LIMCH1: variants seen among roughly 807,000 people sequenced by gnomAD.
The protein encoded by LIMCH1 is LIM and calponin homology domains-containing protein 1.
LIMCH1 carries 113 observed loss-of-function variants against 176.5 expected under a neutral mutation model. The observed-to-expected ratio is 0.64, with a 90% CI of 0.55 to 0.75. LIMCH1 has a LOEUF of 0.75. Among genes scored for constraint, LIMCH1 ranks in the 30% least tolerant of loss-of-function variants. The pLI, the probability that LIMCH1 is intolerant of heterozygous loss-of-function variation, is 0.00. For synonymous variants in LIMCH1, 619 were observed against 645.9 expected (o/e 0.96, Z 0.63); for missense variants, 1,674 against 1,814.9 (o/e 0.92, Z 1.41).
chr4:41,615,549 T>A (rs2091967635), intron 5 of LIMCH1, among the ~76,000 whole-genome samples: 1 of 152,220 alleles, frequency 6.6e-6, no homozygotes, highest in Non-Finnish European at 1.5e-5. Flanking sequence ...GCTTATGCTC[T>A]TGTAAACTAA....
intron 4 of LIMCH1, chr4:41,612,448 T>C (rs1055346024): frequency 1.5e-6 from 1 of 677,432 alleles, no homozygotes; most frequent in Non-Finnish European, 2.7e-6. Context: ...TCTCTGCCAG[T>C]GTTATCCACA....
chr4:41,428,205 A>C (rs2061291688), intron 1 of LIMCH1, among the ~76,000 whole-genome samples: 1 of 152,174 alleles, frequency 6.6e-6, no homozygotes, highest in Admixed American at 6.5e-5. Context: ...GGTAAAGAAC[A>C]TGAACTCTGA....
At chr4:41,408,808 A>G (rs1245446299) in intron 1 of LIMCH1, among the ~76,000 whole-genome samples, 1 of 152,178 alleles carries the variant, frequency 6.6e-6, no homozygotes, top group Non-Finnish European at 1.5e-5. Context: ...GTTGGATTGT[A>G]TTGAGGGTAA....
intron 8 of LIMCH1, among the ~76,000 whole-genome samples, chr4:41,627,375 CAG>C (rs2152850458): frequency 6.6e-6 from 1 of 152,188 alleles, no homozygotes; most frequent in South Asian, 2.1e-4. Context: ...TATTGCCTAT[CAG>C]AGAACAGCCA....
intron 2 of LIMCH1, among the ~76,000 whole-genome samples, chr4:41,600,686 C>A (rs1370511189): frequency 6.6e-6 from 1 of 152,134 alleles, no homozygotes; most frequent in African/African-American, 2.4e-5. Context: ...CCTTCTTCAG[C>A]AGGCCCCATG....
At chr4:41,391,309 A>G (rs1275962529) in intron 1 of LIMCH1, among the ~76,000 whole-genome samples, 1 of 152,196 alleles carries the variant, frequency 6.6e-6, no homozygotes, top group Non-Finnish European at 1.5e-5. Flanking sequence ...TGCTGATCCA[A>G]TTGTTGGCAA....
chr4:41,684,421 T>C lies in LIMCH1; in HGVS notation c.3870T>C (p.His1290=), dbSNP rs1718908181. 1 of 1,613,790 alleles carries C rather than the reference T, an allele frequency of 6.2e-7. No individual in the cohort carries two copies. The highest frequency in any genetic ancestry group is 2.2e-5 in the East Asian group (1 of 44,840). ...GCCTAACTGAAGGGGCCTTGGCTCA[T>C]TCTGGGAACCCTGTATCAAAAGGAG... ...KGSLTEGALA[H]SGNPVSKGVH... The change falls in exon 27 of 32, where the codon CAT becomes CAC. Residue 1290 remains histidine (H), a synonymous_variant. Transcript: ENST00000503057.
intron 1 of LIMCH1, among the ~76,000 whole-genome samples, chr4:41,463,919 A>G (rs191206398): frequency 3.3e-5 from 5 of 151,876 alleles, no homozygotes; most frequent in East Asian, 2.0e-4. Flanking sequence ...GTCTCACTCT[A>G]TTTGCCCAGT....
chr4:41,692,403 G>A lies in LIMCH1; in HGVS notation c.4378+19G>A. The A allele has an allele frequency of 6.9e-7, 1 of 1,457,774 alleles. No individual in the cohort carries two copies. Among genetic ancestry groups the A allele is most frequent in the Non-Finnish European group, 9.6e-7 (1 of 1,037,522 alleles). The allele number at this position is 1,457,774 out of a possible 1,614,324, so 90.3% of individuals were successfully genotyped here. A position where few individuals can be genotyped will look rare whatever the true frequency, so the allele number is the denominator to read the frequency against. ...TCCAGAAGTAAGTACTGGGGAGAAT[G>A]CCTCATGATGACCGAGTGTAATCGT... On this transcript the variant is annotated intron_variant, in intron 31 of 31. Transcript: ENST00000503057.
chr4:41,577,345 A>G (rs922080590), intron 1 of LIMCH1, among the ~76,000 whole-genome samples: 2 of 152,186 alleles, frequency 1.3e-5, no homozygotes, highest in South Asian at 2.1e-4. Context: ...GAAAAATTAT[A>G]TATCTATATA....
chr4:41,377,320 C>T (rs2054906958), intron 1 of LIMCH1, among the ~76,000 whole-genome samples: 1 of 152,142 alleles, frequency 6.6e-6, no homozygotes, highest in Non-Finnish European at 1.5e-5. Flanking sequence ...CAGAACCCAG[C>T]CAAAACCATG....
chr4:41,503,049 C>CCATCCA (rs60202630), intron 2 of LIMCH1, among the ~76,000 whole-genome samples: 2 of 151,608 alleles, frequency 1.3e-5, no homozygotes, highest in East Asian at 1.9e-4. Flanking sequence ...ATCCATCCAT[C>CCATCCA]TCTTGCCTCT....
intron 1 of LIMCH1, among the ~76,000 whole-genome samples, chr4:41,433,317 T>C (rs1013069074): frequency 6.6e-6 from 1 of 152,218 alleles, no homozygotes; most frequent in Non-Finnish European, 1.5e-5. Flanking sequence ...AACACTTGAA[T>C]GTATATATGG....
rs142830496 is a variant in LIMCH1, at chr4:41,573,567, A to C, written c.-240-25353A>C. The stretch of plus-strand genomic sequence containing the variant: ...AGTATTCTTCGCAAATGCTATTTTG[A>C]TGGCTGTATACCCTTTTCCCACATC... On this transcript the variant is annotated intron_variant, in intron 1 of 31. Coordinates refer to ENST00000503057, the MANE Select transcript of LIMCH1 (RefSeq NM_001330672.2). Among the ~76,000 whole-genome samples, 298 of 152,304 alleles carry C rather than the reference A, an allele frequency of 2.0e-3. 1 individual carries two copies. Among genetic ancestry groups the C allele is most frequent in the African/African-American group, 6.3e-3 (261 of 41,578 alleles).
intron 1 of LIMCH1, among the ~76,000 whole-genome samples, chr4:41,562,589 A>G (rs1334243009): frequency 6.6e-6 from 1 of 152,194 alleles, no homozygotes; most frequent in Non-Finnish European, 1.5e-5. Context: ...TGCTGATTAG[A>G]TAGCAAAATC....
At chr4:41,517,373 C>T (rs1351053878) in intron 2 of LIMCH1, among the ~76,000 whole-genome samples, 1 of 152,202 alleles carries the variant, frequency 6.6e-6, no homozygotes, top group Non-Finnish European at 1.5e-5. Flanking sequence ...GGTAAGCAGT[C>T]TCTGCCACAG....
chr4:41,692,356 C>G lies in LIMCH1; in HGVS notation c.4350C>G (p.Asn1450Lys). The G allele has an allele frequency of 6.2e-7, 1 of 1,612,392 alleles. No individual in the cohort carries two copies. Among genetic ancestry groups the G allele is most frequent in the Non-Finnish European group, 8.5e-7 (1 of 1,178,546 alleles). Residue 1450 changes from asparagine (N) to lysine (K), a missense_variant, in exon 31 of 32, where the codon AAC (asparagine) becomes AAG (lysine). By Grantham distance (94) the Asn-to-Lys change is moderately conservative (BLOSUM62 0). This residue lies in a region of LIMCH1 where 1,015 missense variants were observed against 1,102.5 expected (regional missense o/e 0.92). Transcript: ENST00000503057. ...TTAGGATTCGAAATGGTCTCCTGAA[C>G]TGTAATGATTGCTACATGCGATCCA... is the stretch of plus-strand genomic sequence containing the variant. Reference protein sequence around the residue: ...TDVRIRNGLLNCNDCYMRSRS... With the variant: ...TDVRIRNGLLKCNDCYMRSRS...
chr4:41,617,347 T>G (rs1012565334), intron 5 of LIMCH1, among the ~76,000 whole-genome samples: 4 of 152,170 alleles, frequency 2.6e-5, no homozygotes, highest in Non-Finnish European at 5.9e-5. Context: ...GTTTCAGAAC[T>G]GTCACTAACC....
At chr4:41,545,285 G>T (rs142625391) in intron 1 of LIMCH1, among the ~76,000 whole-genome samples, 1 of 152,132 alleles carries the variant, frequency 6.6e-6, no homozygotes, top group East Asian at 1.9e-4. Flanking sequence ...TGTTTGAGTC[G>T]GAAGAGAAAA....
Sources: allele counts gnomAD v4.1 joint callset (sites outside exome capture counted in the v4.1 genomes callset), GRCh38; gene constraint gnomAD v4.1.1; regional missense constraint gnomAD v4.1.1; transcripts MANE v1.5; gene names NCBI Gene and HGNC (gene_info 2026-07-23, HGNC 2026-07-21).